The following AZIN2 variants were observed in gnomAD, a reference collection of about 807,000 sequenced individuals.
AZIN2 encodes the protein ODC antizyme inhibitor-2.
AZIN2 carries 28 observed loss-of-function variants against 47.8 expected under a neutral mutation model. The observed-to-expected ratio is 0.59, with a 90% CI of 0.43 to 0.80. AZIN2 has a LOEUF of 0.80. AZIN2 is among the 30% of genes least tolerant of loss of function. The pLI is 0.00. For missense variants in AZIN2, 535 were observed against 582.5 expected (o/e 0.92, Z 0.84); for synonymous variants, 221 against 239.4 (o/e 0.92, Z 0.71).
intron 4 of AZIN2, chr1:33,083,094 T>C (rs57671597): frequency 0.026 from 4,040 of 152,644 alleles, 186 homozygotes; most frequent in African/African-American, 0.091. Flanking sequence ...TCCATGCCCC[T>C]GCATTGCACC....
chr1:33,152,301 C>T, the AZIN2 span, among the ~76,000 whole-genome samples: 1 of 152,306 alleles, frequency 6.6e-6, no homozygotes, highest in African/African-American at 2.4e-5. Flanking sequence ...CTTGGTGGCT[C>T]ACGCCCGTAA....
At chr1:33,093,092 T>G (rs1642752132) in intron 6 of AZIN2, 190 bp from the exon 7 acceptor site, 2 of 700,322 alleles carry the variant, frequency 2.9e-6, no homozygotes, top group Non-Finnish European at 4.6e-6. Context: ...CAGGAATGGG[T>G]CAGGGACATT....
rs1212519317 is a variant in AZIN2, at chr1:33,123,440, C to G, written c.*3258C>G. On this transcript the variant is annotated 3_prime_UTR_variant, in exon 12 of 12. Transcript: ENST00000294517. ...GTTCAAAAAGTATATGCTGGATGGG[C>G]AAATGAATAAACATGTCTGAATCTG... Among the ~76,000 whole-genome samples, 2 of 152,184 alleles carry G rather than the reference C, an allele frequency of 1.3e-5. No individual in the cohort carries two copies. Among genetic ancestry groups the G allele is most frequent in the Non-Finnish European group, 2.9e-5 (2 of 68,036 alleles).
chr1:33,162,267 A>T, the AZIN2 span, among the ~76,000 whole-genome samples: 5 of 152,230 alleles, frequency 3.3e-5, no homozygotes, highest in East Asian at 9.7e-4. Context: ...TTACCTCCCT[A>T]GCGCCACTGC....
intron 10 of AZIN2, 32 bp downstream of exon 10, chr1:33,098,211 TTG>T (rs1476136861): frequency 1.4e-5 from 20 of 1,456,388 alleles, no homozygotes; most frequent in East Asian, 2.3e-5. Flanking sequence ...CTGTTTTCAG[TTG>T]TGTGTGTGTA....
the AZIN2 span, among the ~76,000 whole-genome samples, chr1:33,161,149 G>A: frequency 3.9e-5 from 6 of 152,244 alleles, no homozygotes; most frequent in African/African-American, 1.2e-4. The surrounding 1 kb of genome is among the most constrained non-coding windows in gnomAD (Gnocchi z 4.3). Flanking sequence ...GTTGTTGTGC[G>A]CACTCCAAGG....
At chr1:33,160,603 C>A in the AZIN2 span, among the ~76,000 whole-genome samples, 2 of 152,028 alleles carry the variant, frequency 1.3e-5, no homozygotes, top group African/African-American at 4.8e-5. Context: ...TGGGGTTTCA[C>A]CATGTTGGCC....
the AZIN2 span, among the ~76,000 whole-genome samples, chr1:33,137,296 A>G: frequency 1.3e-5 from 2 of 152,100 alleles, no homozygotes. Flanking sequence ...AGTCATCTTA[A>G]CTCTCTGGAC....
At chr1:33,114,449 G>A (rs1441314358) in intron 10 of AZIN2, among the ~76,000 whole-genome samples, 4 of 150,374 alleles carry the variant, frequency 2.7e-5, no homozygotes, top group Admixed American at 2.7e-4. Flanking sequence ...CACCTTCCGG[G>A]TTCACGCCAT....
the AZIN2 span, among the ~76,000 whole-genome samples, chr1:33,149,303 C>G: frequency 3.9e-5 from 6 of 152,168 alleles, no homozygotes; most frequent in African/African-American, 1.4e-4. Context: ...TAGGCACGCG[C>G]CACCACGCCT....
chr1:33,098,966 T>C (rs1014611616), intron 10 of AZIN2, among the ~76,000 whole-genome samples: 2 of 152,020 alleles, frequency 1.3e-5, no homozygotes, highest in Non-Finnish European at 2.9e-5. Context: ...GTTTCAACCA[T>C]GTTGTCCAGG....
At chr1:33,146,805 A>G in the AZIN2 span, 2 of 288,460 alleles carry the variant, frequency 6.9e-6, no homozygotes, top group Non-Finnish European at 1.3e-5. Context: ...TCGGGCTGCC[A>G]ACTACTGGCC....
At chr1:33,158,112 C>G in the AZIN2 span, 60 of 669,944 alleles carry the variant, frequency 9.0e-5, 2 homozygotes, top group Admixed American at 1.5e-3. Context: ...GTGCCCAGGA[C>G]AGGTCCTGGA....
intron 9 of AZIN2, 114 bp from the exon 10 acceptor site, chr1:33,097,953 G>T (rs1287361487): frequency 8.4e-6 from 6 of 712,328 alleles, no homozygotes; most frequent in South Asian, 8.3e-5. Context: ...CTCGCCTCAT[G>T]GTTGAGGAAT....
At chr1:33,112,557 TGAGGATGGTGGTTACCTCTAAA>T (rs1167808082) in intron 10 of AZIN2, among the ~76,000 whole-genome samples, 1 of 151,970 alleles carries the variant, frequency 6.6e-6, no homozygotes, top group Non-Finnish European at 1.5e-5. Flanking sequence ...AACATGAAAG[TGAGGATGGTGGTTACCTCTAAA>T]GAGGTTAGGA....
the AZIN2 span, among the ~76,000 whole-genome samples, chr1:33,144,937 C>G: frequency 6.6e-6 from 1 of 152,256 alleles, no homozygotes; most frequent in Non-Finnish European, 1.5e-5. Flanking sequence ...CTGCACTTTA[C>G]AGCTTACCAA....
chr1:33,153,529 T>A, the AZIN2 span, among the ~76,000 whole-genome samples: 1 of 152,180 alleles, frequency 6.6e-6, no homozygotes, highest in African/African-American at 2.4e-5. Context: ...CCACTAAACA[T>A]CCTGCAGAGC....
chr1:33,121,811 C>T lies in AZIN2; in HGVS notation c.*1629C>T, dbSNP rs1216076058. Among the ~76,000 whole-genome samples the T allele has an allele frequency of 6.6e-6, 1 of 152,200 alleles. No individual in the cohort carries two copies. Among genetic ancestry groups the T allele is most frequent in the Non-Finnish European group, 1.5e-5 (1 of 68,040 alleles). On this transcript the variant is annotated 3_prime_UTR_variant, in exon 12 of 12. Transcript: ENST00000294517. ...TCACTTGAGCTTCTCTCTAGGTAAG[C>T]CTGACCATCCTGCTTCAGTATCTCA... is the stretch of plus-strand genomic sequence containing the variant.
At chr1:33,150,292 TCTCCCTA>T in the AZIN2 span, among the ~76,000 whole-genome samples, 2,496 of 152,286 alleles carry the variant, frequency 0.016, 62 homozygotes, top group African/African-American at 0.056. Flanking sequence ...GCTGGAGCAT[TCTCCCTA>T]CTTCAGTTGC....
Sources: allele counts gnomAD v4.1 joint callset (sites outside exome capture counted in the v4.1 genomes callset), GRCh38; gene constraint gnomAD v4.1.1; non-coding constraint Gnocchi (gnomAD v3.1); transcripts MANE v1.5; gene names NCBI Gene and HGNC (gene_info 2026-07-23, HGNC 2026-07-21).